The following PTPN12 variants were observed in gnomAD, a reference collection of about 807,000 sequenced individuals.
PTPN12 encodes protein tyrosine phosphatase non-receptor type 12, also known as tyrosine-protein phosphatase non-receptor type 12.
A neutral mutation model predicts 97.6 loss-of-function variants in PTPN12; 29 were observed. The observed-to-expected ratio is 0.30, with a 90% CI of 0.22 to 0.41. The LOEUF is 0.41. Among genes scored for constraint, PTPN12 ranks in the 10% least tolerant of loss-of-function variants. The pLI is 1.00. For synonymous variants in PTPN12, 327 were observed against 300.4 expected, an observed-to-expected ratio of 1.09 and a Z score of -0.91; for missense variants, 819 against 926.0, an observed-to-expected ratio of 0.88 and a Z score of 1.50.
intron 11 of PTPN12, among the ~76,000 whole-genome samples, chr7:77,615,771 G>A (rs2151381308): frequency 6.6e-6 from 1 of 152,256 alleles, no homozygotes; most frequent in Admixed American, 6.5e-5. Flanking sequence ...GATTGCTTCA[G>A]CAAGTTGTAT....
At chr7:77,615,742 T>C (rs2151381279) in intron 11 of PTPN12, among the ~76,000 whole-genome samples, 1 of 152,328 alleles carries the variant, frequency 6.6e-6, no homozygotes, top group East Asian at 1.9e-4. Context: ...TAAAATTCTT[T>C]TCCATTTCAA....
intron 12 of PTPN12, among the ~76,000 whole-genome samples, chr7:77,623,750 A>G (rs1179247016): frequency 3.9e-5 from 6 of 152,196 alleles, no homozygotes; most frequent in Non-Finnish European, 5.9e-5. Flanking sequence ...GATTATGGAA[A>G]AGTGGTCTCA....
At chr7:77,601,710 T>C (rs2151360955) in intron 8 of PTPN12, among the ~76,000 whole-genome samples, 1 of 152,250 alleles carries the variant, frequency 6.6e-6, no homozygotes, top group African/African-American at 2.4e-5. Flanking sequence ...GATGAAAAAG[T>C]GTGTTTTAGT....
At chr7:77,593,090 A>G (rs569670084) in intron 6 of PTPN12, among the ~76,000 whole-genome samples, 111 of 152,092 alleles carry the variant, frequency 7.3e-4, no homozygotes, top group South Asian at 2.5e-3. Flanking sequence ...ACAACATGGC[A>G]AAACTCCTTT....
intron 1 of PTPN12, among the ~76,000 whole-genome samples, chr7:77,564,643 A>T: frequency 6.6e-6 from 1 of 151,662 alleles, no homozygotes; most frequent in East Asian, 1.9e-4. Context: ...TATTTACTAT[A>T]CAAAGTATAG....
chr7:77,614,577 A>T (rs1487024826), intron 11 of PTPN12, among the ~76,000 whole-genome samples: 1 of 152,212 alleles, frequency 6.6e-6, no homozygotes, highest in Non-Finnish European at 1.5e-5. Flanking sequence ...AGTAAAAAAA[A>T]ACAGAAGAAA....
At chr7:77,580,411 G>A (rs2151329545) in intron 2 of PTPN12, among the ~76,000 whole-genome samples, 1 of 152,304 alleles carries the variant, frequency 6.6e-6, no homozygotes, top group Non-Finnish European at 1.5e-5. Context: ...AAACTGAAAA[G>A]TAATGATACA....
At chr7:77,616,641 A>G (rs925981359) in intron 11 of PTPN12, among the ~76,000 whole-genome samples, 2 of 152,236 alleles carry the variant, frequency 1.3e-5, no homozygotes, top group African/African-American at 2.4e-5. Flanking sequence ...GAAACAGTTC[A>G]AAAGGAGTTT....
At chr7:77,630,328 C>T (rs908612732) in intron 13 of PTPN12, among the ~76,000 whole-genome samples, 9 of 152,090 alleles carry the variant, frequency 5.9e-5, no homozygotes, top group African/African-American at 1.9e-4. Flanking sequence ...TAGTGAATTA[C>T]AGTCACACAT....
chr7:77,634,048 A>C (rs1382062115), intron 14 of PTPN12, among the ~76,000 whole-genome samples: 2 of 152,064 alleles, frequency 1.3e-5, no homozygotes, highest in East Asian at 3.9e-4. Flanking sequence ...TAACAACAAA[A>C]AATTAGCCAG....
chr7:77,582,401 A>G (rs1787552118), intron 3 of PTPN12, among the ~76,000 whole-genome samples: 1 of 152,050 alleles, frequency 6.6e-6, no homozygotes, highest in South Asian at 2.1e-4. Flanking sequence ...TAATCTTTCA[A>G]GTGATATGAT....
intron 9 of PTPN12, among the ~76,000 whole-genome samples, chr7:77,608,252 C>G (rs937499283): frequency 6.6e-6 from 1 of 152,124 alleles, no homozygotes; most frequent in African/African-American, 2.4e-5. Context: ...ATTTCTTTAT[C>G]AGAAAATAGG....
intron 1 of PTPN12, among the ~76,000 whole-genome samples, chr7:77,551,572 G>A (rs1168683035): frequency 6.6e-6 from 1 of 152,210 alleles, no homozygotes; most frequent in Non-Finnish European, 1.5e-5. Context: ...AAAAATCAAT[G>A]TGGATGGTCT....
chr7:77,593,267 CTCAA>C (rs1354550734), intron 6 of PTPN12, among the ~76,000 whole-genome samples: 2 of 70,480 alleles, frequency 2.8e-5, no homozygotes, highest in Non-Finnish European at 4.8e-5. Context: ...GAAACTCCAT[CTCAA>C]AAAAAAAAAA....
At chr7:77,592,832 T>TA (rs555558663) in intron 6 of PTPN12, among the ~76,000 whole-genome samples, 48 of 150,576 alleles carry the variant, frequency 3.2e-4, no homozygotes, top group African/African-American at 1.1e-3. Context: ...AGAAAATGAA[T>TA]AAAAAAATGA....
intron 13 of PTPN12, among the ~76,000 whole-genome samples, chr7:77,631,915 T>C (rs1212584326): frequency 1.3e-5 from 2 of 152,218 alleles, no homozygotes; most frequent in Non-Finnish European, 2.9e-5. Context: ...AGGACACATG[T>C]TACATAGTAT....
intron 1 of PTPN12, among the ~76,000 whole-genome samples, chr7:77,545,994 C>G (rs1807202468): frequency 6.6e-6 from 1 of 152,072 alleles, no homozygotes; most frequent in Admixed American, 6.6e-5. Context: ...TGCAGTGGCA[C>G]CATCTCAGCT....
chr7:77,632,406 T>C lies in PTPN12; in HGVS notation c.2055T>C (p.Phe685=). 3.1e-6 allele frequency: 5 copies of C among 1,609,800 alleles called. No individual in the cohort carries two copies. In the East Asian group the frequency reaches 1.1e-4, roughly 36 times the overall value. ...PPLPERTPES[F]VLASEHNTPV... ...TACCTGAAAGAACTCCTGAATCGTT[T>C]GTGTTAGCAAGTGAACATAGTGAGT... The change falls in exon 14 of 18, where the codon TTT becomes TTC. Residue 685 remains phenylalanine (F), a synonymous_variant. Coordinates refer to ENST00000248594, the MANE Select transcript of PTPN12 (RefSeq NM_002835.4).
At chr7:77,625,472 G>GCTTGCGCGCTCT (rs1554326598) in intron 12 of PTPN12, among the ~76,000 whole-genome samples, 11 of 33,526 alleles carry the variant, frequency 3.3e-4, no homozygotes, top group African/African-American at 1.3e-3. Context: ...CAGGCTGCTC[G>GCTTGCGCGCTCT]CTCTCTCTCT....
Sources: allele counts gnomAD v4.1 joint callset (sites outside exome capture counted in the v4.1 genomes callset), GRCh38; gene constraint gnomAD v4.1.1; transcripts MANE v1.5; gene names NCBI Gene and HGNC (gene_info 2026-07-23, HGNC 2026-07-21).